Variants in SLC9A4 observed in about 807,000 individuals in gnomAD.
SLC9A4 encodes sodium/hydrogen exchanger 4.
Under a neutral mutation model 67.4 loss-of-function variants are expected in SLC9A4, and 63 were observed. The ratio of observed to expected loss-of-function variants is 0.93; its 90% CI spans 0.76 to 1.15. The LOEUF (loss-of-function observed/expected upper bound fraction) is 1.15, where lower values mean the gene tolerates loss of function less well. SLC9A4 is among the 50% of genes most tolerant of loss of function. SLC9A4 has a pLI of 0.00. For synonymous variants in SLC9A4, 393 were observed against 367.2 expected (o/e 1.07, Z -0.80); for missense variants, 1,089 against 987.7 (o/e 1.10, Z -1.38).
rs745830954 is a variant in SLC9A4 at position 102,514,110 on chromosome 2, G to T, written c.1580G>T (p.Arg527Ile). The T allele has an allele frequency of 1.2e-6, 2 of 1,612,632 alleles. No homozygotes were observed. Among genetic ancestry groups the T allele is most frequent in the South Asian group, 2.2e-5 (2 of 90,604 alleles). ...TTTAGGTTTAAGAAGTTTGATCATA[G>T]ATACTTACGGAAAATCCTCATCAGA... The part of the protein sequence containing the change: ...VRDKFKKFDH[R>I]YLRKILIRKN... The change falls in exon 8 of 12, where the codon AGA (arginine) becomes ATA (isoleucine). Residue 527 changes from arginine (R) to isoleucine (I), a missense_variant. Transcript: ENST00000295269.
chr2:102,521,943 G>T (rs1003776789), intron 9 of SLC9A4, among the ~76,000 whole-genome samples: 1 of 152,174 alleles, frequency 6.6e-6, no homozygotes, highest in African/African-American at 2.4e-5. Flanking sequence ...GCCCTGCTGG[G>T]TCTGTTGCTC....
intron 2 of SLC9A4, among the ~76,000 whole-genome samples, chr2:102,491,317 CTTTTTTTTTTTTT>C (rs61708027): frequency 2.9e-3 from 134 of 45,768 alleles, no homozygotes; most frequent in Middle Eastern, 0.021. Context: ...TGTACTAATG[CTTTTTTTTTTTTT>C]TTTTTTTTTT....
chr2:102,524,766 G>A (rs1159599684), intron 9 of SLC9A4, among the ~76,000 whole-genome samples: 1 of 152,210 alleles, frequency 6.6e-6, no homozygotes, highest in African/African-American at 2.4e-5. Context: ...GGGTAACTAA[G>A]AGAAAGACCT....
intron 1 of SLC9A4, among the ~76,000 whole-genome samples, chr2:102,477,742 G>T (rs1420728621): frequency 6.6e-6 from 1 of 152,158 alleles, no homozygotes; most frequent in Non-Finnish European, 1.5e-5. Flanking sequence ...GGAATGAGAA[G>T]ACAAGTAATA....
chr2:102,518,002 G>C (rs1217302273), intron 8 of SLC9A4, among the ~76,000 whole-genome samples: 1 of 152,236 alleles, frequency 6.6e-6, no homozygotes, highest in African/African-American at 2.4e-5. Context: ...TTTTGCTAAT[G>C]AAGTGGCATG....
intron 6 of SLC9A4, among the ~76,000 whole-genome samples, chr2:102,510,552 T>C (rs1430677186): frequency 6.6e-6 from 1 of 152,254 alleles, no homozygotes; most frequent in African/African-American, 2.4e-5. Context: ...CAACTGATTA[T>C]GGACTTTAAT....
chr2:102,483,716 C>T (rs1260552143), intron 2 of SLC9A4, among the ~76,000 whole-genome samples: 11 of 151,022 alleles, frequency 7.3e-5, no homozygotes, highest in Non-Finnish European at 1.3e-4. Flanking sequence ...TGTCCTCACC[C>T]GCCACTATAC....
intron 2 of SLC9A4, among the ~76,000 whole-genome samples, chr2:102,482,139 CGG>C (rs549306982): frequency 1.1e-3 from 161 of 152,210 alleles, no homozygotes; most frequent in African/African-American, 3.8e-3. Context: ...GGAAGCTGCC[CGG>C]GGAGTCTGGA....
intron 4 of SLC9A4, 156 bp downstream of exon 4, chr2:102,505,627 T>C: frequency 1.5e-6 from 1 of 678,820 alleles, no homozygotes; most frequent in Non-Finnish European, 2.4e-6. Flanking sequence ...GAATCTTTTC[T>C]GTTTGTTCCC....
At chr2:102,479,417 G>A (rs1573325717) in intron 2 of SLC9A4, 115 bp downstream of exon 2, 7 of 1,123,404 alleles carry the variant, frequency 6.2e-6, no homozygotes, top group Non-Finnish European at 8.8e-6. Flanking sequence ...GGACAGGGAT[G>A]AGCTTCAGCC....
At chr2:102,505,096 AGAAAATCTGCG>A (rs534294939) in intron 3 of SLC9A4, among the ~76,000 whole-genome samples, 147 bp from the exon 4 acceptor site, 5 of 152,324 alleles carry the variant, frequency 3.3e-5, no homozygotes, top group Non-Finnish European at 7.3e-5. Context: ...AGAGGGAGAA[AGAAAATCTGCG>A]GAAAATCTGC....
chr2:102,523,981 C>G (rs1029006614), intron 9 of SLC9A4, among the ~76,000 whole-genome samples: 1 of 152,204 alleles, frequency 6.6e-6, no homozygotes, highest in Admixed American at 6.5e-5. Context: ...CTATGACCCC[C>G]GATGATCCCA....
intron 1 of SLC9A4, among the ~76,000 whole-genome samples, chr2:102,474,542 C>G (rs1474309): frequency 0.071 from 10,856 of 152,050 alleles, 499 homozygotes; most frequent in Non-Finnish European, 0.089. Flanking sequence ...GATGGGATGT[C>G]GGGGCATATA....
chr2:102,495,447 T>C (rs1342167146), intron 2 of SLC9A4, among the ~76,000 whole-genome samples: 1 of 152,080 alleles, frequency 6.6e-6, no homozygotes. Flanking sequence ...CTATTTGATC[T>C]ATAGATTCAA....
intron 8 of SLC9A4, among the ~76,000 whole-genome samples, chr2:102,517,772 T>C (rs935082461): frequency 1.3e-5 from 2 of 152,246 alleles, no homozygotes; most frequent in Non-Finnish European, 2.9e-5. Flanking sequence ...AAGATGAACG[T>C]TATATTCAAT....
intron 8 of SLC9A4, among the ~76,000 whole-genome samples, chr2:102,518,572 G>A (rs1475921917): frequency 6.6e-6 from 1 of 152,172 alleles, no homozygotes; most frequent in African/African-American, 2.4e-5. Flanking sequence ...TTTATAGAGA[G>A]GACATTAGTC....
At chr2:102,478,049 C>A (rs1185158951) in intron 1 of SLC9A4, among the ~76,000 whole-genome samples, 4 of 152,196 alleles carry the variant, frequency 2.6e-5, no homozygotes, top group African/African-American at 7.2e-5. Context: ...CCTTGGTTTA[C>A]AATCCAGAAG....
rs555324298 is a variant in SLC9A4 at position 102,473,462 on chromosome 2, G to T, written c.-298G>T. On this transcript the variant is annotated 5_prime_UTR_variant, in exon 1 of 12. Coordinates refer to ENST00000295269, the MANE Select transcript of SLC9A4 (RefSeq NM_001011552.4). Reference sequence around the variant, plus strand: ...GAGATTTTTATTTCTTTCATAAATTGCTCAAGCCATGATTGGATGGAGGTC... The same window carrying T: ...GAGATTTTTATTTCTTTCATAAATTTCTCAAGCCATGATTGGATGGAGGTC... 3.4e-5 allele frequency: 13 copies of T among 381,364 alleles called. No homozygotes were observed. The highest frequency in any genetic ancestry group is 6.9e-4 in the Middle Eastern group (1 of 1,450). The allele number at this position is 381,364 out of a possible 1,614,324, so 23.6% of individuals were successfully genotyped here.
chr2:102,473,597 T>C lies in SLC9A4; in HGVS notation c.-163T>C. The C allele has an allele frequency of 1.3e-6, 1 of 797,094 alleles. No homozygotes were observed. Among genetic ancestry groups the C allele is most frequent in the Non-Finnish European group, 1.9e-6 (1 of 513,672 alleles). The allele number at this position is 797,094 out of a possible 1,614,324, so 49.4% of individuals were successfully genotyped here. On this transcript the variant is annotated 5_prime_UTR_variant, in exon 1 of 12. Coordinates refer to ENST00000295269, the MANE Select transcript of SLC9A4 (RefSeq NM_001011552.4). The stretch of plus-strand genomic sequence containing the variant: ...TAAACCAGATTAGAAAGTGTCTACA[T>C]ACAGAGCTCAATAACACACTCGGAA...
Sources: allele counts gnomAD v4.1 joint callset (sites outside exome capture counted in the v4.1 genomes callset), GRCh38; gene constraint gnomAD v4.1.1; transcripts MANE v1.5; gene names NCBI Gene and HGNC (gene_info 2026-07-23, HGNC 2026-07-21).